The following STK10 variants were observed in gnomAD, a reference collection of about 807,000 sequenced individuals.
The protein encoded by STK10 is serine/threonine kinase 10.
A neutral mutation model predicts 113.8 loss-of-function variants in STK10; 78 were observed. The ratio of observed to expected loss-of-function variants is 0.69; its 90% CI spans 0.57 to 0.83. The LOEUF (loss-of-function observed/expected upper bound fraction) is 0.83, where lower values mean the gene tolerates loss of function less well. Ranked by LOEUF, STK10 falls within the 40% of genes least tolerant of loss-of-function variation. STK10 has a pLI of 0.00. For synonymous variants in STK10, 465 were observed against 494.7 expected (o/e 0.94, Z 0.80); for missense variants, 1,109 against 1,280.1 (o/e 0.87, Z 2.04).
At chr5:172,154,129 G>C (rs1033931840) in intron 2 of STK10, among the ~76,000 whole-genome samples, 1 of 152,208 alleles carries the variant, frequency 6.6e-6, no homozygotes, top group African/African-American at 2.4e-5. Context: ...ACGAGCATCA[G>C]AGTCACTTAG....
At chr5:172,059,364 G>T (rs1178465853) in intron 14 of STK10, among the ~76,000 whole-genome samples, 5 of 149,784 alleles carry the variant, frequency 3.3e-5, no homozygotes, top group Non-Finnish European at 5.9e-5. Flanking sequence ...GGTGGAGGTT[G>T]CAGTGAGCTA....
At chr5:172,098,815 T>C (rs1461916505) in intron 7 of STK10, among the ~76,000 whole-genome samples, 1 of 152,076 alleles carries the variant, frequency 6.6e-6, no homozygotes, top group East Asian at 1.9e-4. Flanking sequence ...GAACAGCTGT[T>C]ATAAGCATTA....
At position 172,054,803 on chromosome 5, in the gene STK10, G is replaced by A; in HGVS notation, c.2527-109C>T. 4 of 1,473,684 alleles carry A rather than the reference G, an allele frequency of 2.7e-6. No homozygotes were observed. In the South Asian group the frequency reaches 3.7e-5, roughly 14 times the overall value. 91.3% of individuals were successfully genotyped at this position (1,473,684 alleles called of 1,614,324 possible). A position where few individuals can be genotyped will look rare whatever the true frequency, so the allele number is the denominator to read the frequency against. On this transcript the variant is annotated intron_variant, in intron 16 of 18. Transcript: ENST00000176763. ...AGACCCCTCAGGGGGACTGGTCTGT[G>A]CACAGCCCCAGTACCCAGCACCACC...
chr5:172,174,024 C>T lies in STK10; in HGVS notation c.156+13863G>A, dbSNP rs558667114. ...GGAGGAAGCTCAGAACTGATTCCAG[C>T]GCCACATCATAACCACAATGCGGCC... On this transcript the variant is annotated intron_variant, in intron 1 of 18. Transcript: ENST00000176763. Among the ~76,000 whole-genome samples the T allele has an allele frequency of 3.3e-5, 5 of 152,252 alleles. No individual in the cohort carries two copies. The East Asian group carries it at 5.8e-4, about 18-fold the overall frequency.
At chr5:172,054,519 G>A in intron 17 of STK10, 50 bp downstream of exon 17, 1 of 1,590,288 alleles carries the variant, frequency 6.3e-7, no homozygotes. Flanking sequence ...GATGGCCTTG[G>A]GGAAACTGAG....
chr5:172,128,342 C>T (rs1356469420), intron 2 of STK10, among the ~76,000 whole-genome samples: 1 of 135,754 alleles, frequency 7.4e-6, no homozygotes. Context: ...TTCTTCTTTC[C>T]TTTTTTTTTT....
Position 172,082,172 on chromosome 5 carries a change from C to T in STK10, c.1989+154G>A, listed in dbSNP as rs537604385. On this transcript the variant is annotated intron_variant, in intron 12 of 18. Coordinates refer to ENST00000176763, the MANE Select transcript of STK10 (RefSeq NM_005990.4). This position sits in a 1 kb window ranked among gnomAD's most constrained non-coding sequence, Gnocchi z 4.3. ...AAGATGGAGAAGTGGCTCCTCATGG[C>T]GCAGCTTGGGCACACAGATCCAGGC... 7.9e-5 allele frequency among the ~76,000 whole-genome samples: 12 copies of T among 152,214 alleles called. No homozygotes were observed. Among genetic ancestry groups the T allele is most frequent in the South Asian group, 6.2e-4 (3 of 4,814 alleles).
Position 172,145,063 on chromosome 5 carries a change from A to G in STK10, c.321+11561T>C, listed in dbSNP as rs368891733. Among the ~76,000 whole-genome samples the G allele has an allele frequency of 9.2e-5, 14 of 152,138 alleles. 1 individual carries two copies. The East Asian group carries it at 1.4e-3, about 15-fold the overall frequency. On this transcript the variant is annotated intron_variant, in intron 2 of 18. Transcript: ENST00000176763. ...CATCCCATCTTCCAGAAATGCCAAG[A>G]TCAGGGCTAAGATCAGACTCTGTGC...
intron 5 of STK10, 86 bp downstream of exon 5, chr5:172,107,694 G>A (rs946547470): frequency 1.8e-5 from 25 of 1,376,262 alleles, no homozygotes; most frequent in Non-Finnish European, 2.5e-5. Context: ...TTGTCTTCCG[G>A]CCCCTCTCTG....
intron 4 of STK10, among the ~76,000 whole-genome samples, chr5:172,112,075 C>T (rs1769248355): frequency 1.3e-5 from 2 of 152,160 alleles, no homozygotes; most frequent in African/African-American, 4.8e-5. Context: ...TGGTTCACCC[C>T]AGCTATGAAA....
intron 2 of STK10, among the ~76,000 whole-genome samples, chr5:172,142,076 A>G (rs80064209): frequency 3.0e-3 from 459 of 152,284 alleles, no homozygotes; most frequent in African/African-American, 0.01. Flanking sequence ...CAGGAGGCCA[A>G]TCTATGGGTC....
At chr5:172,084,315 G>A (rs1000902136) in intron 10 of STK10, among the ~76,000 whole-genome samples, 2 of 152,028 alleles carry the variant, frequency 1.3e-5, no homozygotes, top group Admixed American at 6.6e-5. Flanking sequence ...CAAGAGAATC[G>A]CTTGAATCCG....
intron 1 of STK10, among the ~76,000 whole-genome samples, chr5:172,170,081 G>T (rs1157220723): frequency 6.8e-6 from 1 of 146,144 alleles, no homozygotes; most frequent in Non-Finnish European, 1.5e-5. Context: ...GTTCACCAAT[G>T]TATCTATTAC....
intron 1 of STK10, among the ~76,000 whole-genome samples, chr5:172,173,247 G>C (rs1007660732): frequency 1.3e-5 from 2 of 152,194 alleles, no homozygotes; most frequent in African/African-American, 2.4e-5. Flanking sequence ...GGGAGCTCAG[G>C]CTTCCCCAAC....
At chr5:172,153,547 A>G (rs1273832055) in intron 2 of STK10, among the ~76,000 whole-genome samples, 2 of 152,220 alleles carry the variant, frequency 1.3e-5, no homozygotes, top group Non-Finnish European at 2.9e-5. Context: ...CACTCGGGGG[A>G]AAGTCTGTCC....
intron 2 of STK10, among the ~76,000 whole-genome samples, chr5:172,147,780 C>T (rs919276201): frequency 6.6e-5 from 10 of 152,290 alleles, no homozygotes; most frequent in Admixed American, 6.5e-4. Context: ...GATTAGAGTC[C>T]TGCCTTAGGC....
chr5:172,159,745 C>T (rs1410328912), intron 1 of STK10, among the ~76,000 whole-genome samples: 2 of 152,124 alleles, frequency 1.3e-5, no homozygotes, highest in East Asian at 3.9e-4. Flanking sequence ...ATTGCTTGAA[C>T]CCGGAAGGCA....
chr5:172,048,136 A>G (rs1036375012), intron 18 of STK10, among the ~76,000 whole-genome samples: 1 of 152,188 alleles, frequency 6.6e-6, no homozygotes, highest in Non-Finnish European at 1.5e-5. Flanking sequence ...TTGGTCAAAC[A>G]CCAGCTAGAT....
At chr5:172,114,323 T>TG (rs1769317517) in intron 4 of STK10, among the ~76,000 whole-genome samples, 2 of 149,876 alleles carry the variant, frequency 1.3e-5, no homozygotes, top group African/African-American at 5.0e-5. Flanking sequence ...TGTATGTGTG[T>TG]TTTCTGATTA....
Sources: gnomAD v4.1 joint callset for allele counts (sites outside exome capture counted in the v4.1 genomes callset) on GRCh38, gnomAD v4.1.1 for gene constraint, Gnocchi (gnomAD v3.1) non-coding constraint, MANE v1.5 for transcripts, NCBI Gene and HGNC (gene_info 2026-07-23, HGNC 2026-07-21) for gene names.